SORBS2: variants seen among roughly 807,000 people sequenced by gnomAD.
SORBS2 encodes the protein sorbin and SH3 domain containing 2.
A neutral mutation model predicts 97.7 loss-of-function variants in SORBS2; 46 were observed. That is an observed-to-expected ratio of 0.47 (90% CI 0.37 to 0.60). The LOEUF (loss-of-function observed/expected upper bound fraction) is 0.60, where lower values mean the gene tolerates loss of function less well. Among genes scored for constraint, SORBS2 ranks in the 20% least tolerant of loss-of-function variants. SORBS2 has a pLI of 0.00. For missense variants in SORBS2, 1,316 were observed against 1,282.3 expected (o/e 1.03, Z -0.40); for synonymous variants, 476 against 473.4 (o/e 1.01, Z -0.07).
At chr4:185,587,538 A>C (rs1302052092) in exon 15 of SORBS2, 9 of 1,142,676 alleles carry the variant, frequency 7.9e-6, no homozygotes, top group East Asian at 2.4e-5. Flanking sequence ...ACCGTAAGGC[A>C]TGACAACGGG....
At chr4:185,870,370 A>G (rs2648111) in intron 1 of SORBS2, among the ~76,000 whole-genome samples, 104,502 of 152,102 alleles carry the variant, frequency 0.69, 36,412 homozygotes, top group African/African-American at 0.8. Context: ...TGAGCCCTGC[A>G]TCTCTTCTTT....
upstream of SORBS2, chr4:185,657,396 G>T: frequency 6.6e-7 from 1 of 1,512,294 alleles, no homozygotes; most frequent in Non-Finnish European, 8.8e-7. Context: ...CACAGCCCCA[G>T]ACAGACGCAC....
At chr4:185,600,424 C>T (rs2096234536) in intron 12 of SORBS2, among the ~76,000 whole-genome samples, 1 of 152,198 alleles carries the variant, frequency 6.6e-6, no homozygotes, top group Non-Finnish European at 1.5e-5. Context: ...CTGCAACCTC[C>T]ATCTCCCGGG....
intron 1 of SORBS2, among the ~76,000 whole-genome samples, chr4:185,875,141 G>T (rs1357160183): frequency 2.0e-5 from 3 of 152,006 alleles, no homozygotes; most frequent in Non-Finnish European, 4.4e-5. Flanking sequence ...TAAAAATAAG[G>T]CAAGAACAAA....
intron 2 of SORBS2, among the ~76,000 whole-genome samples, chr4:185,651,280 G>T (rs1176184881): frequency 6.6e-6 from 1 of 152,326 alleles, no homozygotes; most frequent in East Asian, 1.9e-4. Context: ...CCATTCTATT[G>T]TGACCACTGG....
chr4:185,776,201 A>T (rs2098998927), intron 1 of SORBS2, among the ~76,000 whole-genome samples: 1 of 152,236 alleles, frequency 6.6e-6, no homozygotes, highest in African/African-American at 2.4e-5. Flanking sequence ...GGCAGAATGA[A>T]GTGTCCTTGC....
At chr4:185,792,635 T>C (rs1368166824) in intron 1 of SORBS2, among the ~76,000 whole-genome samples, 2 of 152,184 alleles carry the variant, frequency 1.3e-5, no homozygotes, top group African/African-American at 4.8e-5. Context: ...AAAAAAATTG[T>C]TGACATCCTA....
chr4:185,934,187 G>A (rs6825055), intron 1 of SORBS2, among the ~76,000 whole-genome samples: 7,497 of 152,122 alleles, frequency 0.049, 223 homozygotes, highest in African/African-American at 0.097. Flanking sequence ...ATAGCAATTC[G>A]AACACTGTTT....
At position 185,879,176 on chromosome 4, in the gene SORBS2, C is replaced by CA. The variant is rs2099235513; in HGVS notation, c.-338+77019dup. ...CCTAATGCTATCCCTCCCCCCCCCCCACCCCACGACAGGCCCCGGTGTGTG... is the reference window on the plus strand; with the variant it reads ...CCTAATGCTATCCCTCCCCCCCCCCCAACCCCACGACAGGCCCCGGTGTGTG... On this transcript the variant is annotated intron_variant, in intron 1 of 20. Coordinates refer to the SORBS2 transcript ENST00000284776. 4.7e-5 allele frequency among the ~76,000 whole-genome samples: 4 copies of CA among 85,180 alleles called. 1 individual carries two copies. The highest frequency in any genetic ancestry group is 2.1e-4 in the Admixed American group (2 of 9,632). 55.9% of individuals were successfully genotyped at this position (85,180 alleles called of 152,430 possible). A position where few individuals can be genotyped will look rare whatever the true frequency, so the allele number is the denominator to read the frequency against.
chr4:185,674,122 C>A (rs2097760316), intron 4 of SORBS2, among the ~76,000 whole-genome samples: 1 of 152,176 alleles, frequency 6.6e-6, no homozygotes, highest in Admixed American at 6.5e-5. Context: ...CAGGACCTTT[C>A]CCCTGAAGTA....
At chr4:185,703,933 TTAACTC>T (rs1320344195) in intron 2 of SORBS2, among the ~76,000 whole-genome samples, 2 of 152,230 alleles carry the variant, frequency 1.3e-5, no homozygotes, top group African/African-American at 2.4e-5. Flanking sequence ...AAAATACAGA[TTAACTC>T]TAGGTCAAGG....
In SORBS2 at chr4:185,931,996, C is replaced by A. The variant is rs1448563427; in HGVS notation, c.-338+24200G>T. On this transcript the variant is annotated intron_variant, in intron 1 of 20. Coordinates refer to the SORBS2 transcript ENST00000284776. ...AGAACCTGTCTCTCTCTCTCTCTCT[C>A]TCTCTCTATATATATATATATAGAT... Among the ~76,000 whole-genome samples, 12 of 151,614 alleles carry A rather than the reference C, an allele frequency of 7.9e-5. No homozygotes were observed. The South Asian group carries it at 1.5e-3, about 18-fold the overall frequency.
At chr4:185,861,934 G>A (rs1335329786) in intron 1 of SORBS2, among the ~76,000 whole-genome samples, 1 of 152,182 alleles carries the variant, frequency 6.6e-6, no homozygotes, top group Non-Finnish European at 1.5e-5. Context: ...TGCCTGCTGT[G>A]TGGATACTTG....
intron 9 of SORBS2, among the ~76,000 whole-genome samples, chr4:185,615,427 G>A (rs73028062): frequency 0.012 from 1,899 of 152,166 alleles, 35 homozygotes; most frequent in African/African-American, 0.043. Flanking sequence ...AAGTTTAAAG[G>A]AGGGGACAGA....
intron 5 of SORBS2, among the ~76,000 whole-genome samples, chr4:185,627,814 C>A (rs1338322949): frequency 1.3e-5 from 2 of 152,134 alleles, no homozygotes; most frequent in Non-Finnish European, 1.5e-5. Context: ...CCATAAAAAG[C>A]TTCTGTCCTC....
intron 2 of SORBS2, among the ~76,000 whole-genome samples, chr4:185,712,834 C>T (rs1021049264): frequency 2.0e-5 from 3 of 152,142 alleles, no homozygotes; most frequent in Admixed American, 6.5e-5. Flanking sequence ...TCGCAAGTGC[C>T]GTGAAGGGGT....
chr4:185,603,689 T>C (rs1352199565), intron 12 of SORBS2, among the ~76,000 whole-genome samples: 1 of 152,200 alleles, frequency 6.6e-6, no homozygotes, highest in Non-Finnish European at 1.5e-5. Flanking sequence ...ATTCTGAACA[T>C]AGAAGGAAAA....
chr4:185,691,724 T>G (rs1008540378), intron 2 of SORBS2, among the ~76,000 whole-genome samples: 1 of 152,150 alleles, frequency 6.6e-6, no homozygotes, highest in Non-Finnish European at 1.5e-5. Flanking sequence ...TAGAAACGGT[T>G]GGCAGAAAGG....
chr4:185,933,452 T>C (rs2099267428), intron 1 of SORBS2: 1 of 152,100 alleles, frequency 6.6e-6, no homozygotes, highest in Admixed American at 6.6e-5. Flanking sequence ...AAATGCATTA[T>C]CTCACAGTTC....
Sources: allele counts gnomAD v4.1 joint callset (sites outside exome capture counted in the v4.1 genomes callset), GRCh38; gene constraint gnomAD v4.1.1; transcripts MANE v1.5; gene names NCBI Gene and HGNC (gene_info 2026-07-23, HGNC 2026-07-21).